Variants in PBRM1 observed in about 807,000 individuals in gnomAD.
PBRM1 encodes the protein polybromo 1.
In PBRM1, 27 loss-of-function variants were observed where a neutral mutation model predicts 194.5. That is an observed-to-expected ratio of 0.14 (90% CI 0.10 to 0.19). PBRM1 has a LOEUF of 0.19. Among genes scored for constraint, PBRM1 ranks in the 10% least tolerant of loss-of-function variants. The pLI, the probability that PBRM1 is intolerant of heterozygous loss-of-function variation, is 1.00. For missense variants in PBRM1, 1,466 were observed against 2,077.2 expected (o/e 0.71, Z 5.72); for synonymous variants, 655 against 693.2 (o/e 0.94, Z 0.87).
At chr3:52,591,856 A>T in intron 17 of PBRM1, among the ~76,000 whole-genome samples, 2 of 94,660 alleles carry the variant, frequency 2.1e-5, no homozygotes, top group Admixed American at 1.5e-4. Context: ...TCTTGCTCTG[A>T]TGCTCTGATG....
At chr3:52,548,522 G>T (rs973125855) in intron 29 of PBRM1, among the ~76,000 whole-genome samples, 4 of 151,944 alleles carry the variant, frequency 2.6e-5, no homozygotes, top group Non-Finnish European at 5.9e-5. Flanking sequence ...TACCTCCTGG[G>T]TTCAAGCGAT....
chr3:52,615,639 G>A (rs1316867878), intron 14 of PBRM1, among the ~76,000 whole-genome samples, 183 bp from the exon 17 acceptor site: 2 of 152,144 alleles, frequency 1.3e-5, no homozygotes, highest in Non-Finnish European at 2.9e-5. Flanking sequence ...GCCTTAACTG[G>A]TTTGTTTTTA....
upstream of PBRM1, among the ~76,000 whole-genome samples, chr3:52,683,106 G>A (rs1008545429): frequency 1.3e-5 from 2 of 152,044 alleles, no homozygotes; most frequent in Non-Finnish European, 2.9e-5. Context: ...GGGAGACTGA[G>A]GCAGGAGAAT....
At chr3:52,674,643 A>AAAAAATATATATATAT (rs1193129880) in intron 2 of PBRM1, among the ~76,000 whole-genome samples, 4 of 72,420 alleles carry the variant, frequency 5.5e-5, no homozygotes, top group African/African-American at 1.6e-4. Context: ...AAAAAAAAAA[A>AAAAAATATATATATAT]ATATATATAT....
upstream of PBRM1, among the ~76,000 whole-genome samples, chr3:52,684,078 G>C (rs1216859763): frequency 6.7e-6 from 1 of 149,482 alleles, no homozygotes; most frequent in African/African-American, 2.5e-5. Flanking sequence ...TGAGGTGAGA[G>C]GACTGCTTGA....
At chr3:52,605,392 A>G (rs2153374213) in intron 16 of PBRM1, among the ~76,000 whole-genome samples, 1 of 152,194 alleles carries the variant, frequency 6.6e-6, no homozygotes, top group African/African-American at 2.4e-5. Context: ...GAGTCTAAAA[A>G]CTTATTCACA....
chr3:52,561,758 T>G lies in PBRM1; in HGVS notation c.4288+9A>C. 1 of 1,612,056 alleles carries G rather than the reference T, an allele frequency of 6.2e-7. No individual in the cohort carries two copies. Among genetic ancestry groups the G allele is most frequent in the Non-Finnish European group, 8.5e-7 (1 of 1,178,656 alleles). ...CTTCGAAAGACAGTTGTGCCTAGGC[T>G]CTATTTACCTTCATATTCTGCTTTC... On this transcript the variant is annotated intron_variant, in intron 25 of 29. Coordinates refer to ENST00000296302, the Ensembl canonical transcript of PBRM1.
intron 17 of PBRM1, among the ~76,000 whole-genome samples, chr3:52,592,433 T>C (rs2093176844): frequency 1.3e-5 from 2 of 152,126 alleles, no homozygotes; most frequent in Non-Finnish European, 2.9e-5. Flanking sequence ...CACCTGGCTG[T>C]CTTTAGTTCT....
exon 7 of PBRM1, chr3:52,648,412 C>A (rs2096390134): frequency 1.2e-6 from 2 of 1,605,300 alleles, no homozygotes; most frequent in Admixed American, 1.7e-5. Flanking sequence ...ATATCTTTGG[C>A]CATTGCATGA....
At chr3:52,569,848 C>A (rs79722850) in intron 22 of PBRM1, among the ~76,000 whole-genome samples, 2,374 of 152,248 alleles carry the variant, frequency 0.016, 76 homozygotes, top group African/African-American at 0.054. Context: ...TTAGTTGATG[C>A]TCTTGAATTT....
intron 6 of PBRM1, 97 bp from the exon 8 acceptor site, chr3:52,648,539 T>C: frequency 1.6e-6 from 1 of 639,442 alleles, no homozygotes; most frequent in Non-Finnish European, 2.7e-6. Flanking sequence ...ATTGTCACCA[T>C]ATTCCAAGAC....
At chr3:52,552,420 G>A (rs936785383) in intron 27 of PBRM1, among the ~76,000 whole-genome samples, 4 of 152,132 alleles carry the variant, frequency 2.6e-5, no homozygotes, top group Non-Finnish European at 5.9e-5. Flanking sequence ...GCACTAAGAG[G>A]GGGTCTTCCC....
chr3:52,622,297 C>T (rs2095307278), intron 13 of PBRM1, among the ~76,000 whole-genome samples: 1 of 151,924 alleles, frequency 6.6e-6, no homozygotes, highest in African/African-American at 2.4e-5. Context: ...AAGATCGTGC[C>T]ACTGCACTCC....
rs776404492 is a variant in PBRM1 at position 52,609,654 on chromosome 3, C to G, written c.2226G>C (p.Glu742Asp). Residue 742 changes from glutamate to aspartate, a missense_variant, in exon 16 of 30, where the codon GAG becomes GAC. This residue lies in a region of PBRM1 where 687 missense variants were observed against 946.2 expected (regional missense o/e 0.73). Transcript: ENST00000296302. The surrounding 1 kb of genome is among the most constrained non-coding windows in gnomAD (Gnocchi z 4.1). Reference sequence around the variant, plus strand: ...CAAGAGCATCTTTGTAGATCAAAGACTCCGGCTCATTGTATGTACAGGCAT... The same window carrying G: ...CAAGAGCATCTTTGTAGATCAAAGAGTCCGGCTCATTGTATGTACAGGCAT... The G allele has an allele frequency of 2.5e-6, 4 of 1,612,846 alleles. No individual in the cohort carries two copies. Among genetic ancestry groups the G allele is most frequent in the Non-Finnish European group, 3.4e-6 (4 of 1,178,906 alleles).
chr3:52,555,544 T>C (rs889390538), intron 26 of PBRM1, among the ~76,000 whole-genome samples: 3 of 152,128 alleles, frequency 2.0e-5, no homozygotes, highest in African/African-American at 7.2e-5. Context: ...AGATAAAACC[T>C]AAACACTCCC....
At chr3:52,561,001 T>C (rs759869328) in intron 25 of PBRM1, among the ~76,000 whole-genome samples, 1 of 152,052 alleles carries the variant, frequency 6.6e-6, no homozygotes. Context: ...AAATTCCAGA[T>C]GGAAAAAATA....
intron 22 of PBRM1, among the ~76,000 whole-genome samples, chr3:52,574,062 T>C (rs765382853): frequency 1.3e-5 from 2 of 152,248 alleles, no homozygotes; most frequent in African/African-American, 2.4e-5. Context: ...GGTTTTTTTG[T>C]CAAAAACATT....
At chr3:52,585,761 GTAATCCA>G (rs1655694925) in intron 20 of PBRM1, 1 of 152,018 alleles carries the variant, frequency 6.6e-6, no homozygotes, top group South Asian at 2.1e-4. Context: ...CTGACCTCAG[GTAATCCA>G]CCCATCTTGG....
chr3:52,662,023 C>T, intron 4 of PBRM1, 110 bp downstream of exon 5: 1 of 1,084,062 alleles, frequency 9.2e-7, no homozygotes, highest in Non-Finnish European at 1.3e-6. Flanking sequence ...GTTACCAATA[C>T]AATTGCACAG....
Sources: allele counts gnomAD v4.1 joint callset (sites outside exome capture counted in the v4.1 genomes callset), GRCh38; gene constraint gnomAD v4.1.1; regional missense constraint gnomAD v4.1.1; non-coding constraint Gnocchi (gnomAD v3.1); transcripts MANE v1.5; gene names NCBI Gene and HGNC (gene_info 2026-07-23, HGNC 2026-07-21).